TMEM260: variants seen among roughly 807,000 people sequenced by gnomAD.
TMEM260 encodes transmembrane protein 260.
In TMEM260, 82 loss-of-function variants were observed where a neutral mutation model predicts 88.9. The ratio of observed to expected loss-of-function variants is 0.92; its 90% CI spans 0.77 to 1.11. TMEM260 has a LOEUF of 1.11. TMEM260 is among the 50% of genes least tolerant of loss of function. TMEM260 has a pLI of 0.00. For missense variants in TMEM260, 902 were observed against 853.4 expected (o/e 1.06, Z -0.71); for synonymous variants, 314 against 309.3 (o/e 1.02, Z -0.16).
rs759813676 is a variant in TMEM260 at position 56,579,801 on chromosome 14, C to T, written c.-114C>T. On this transcript the variant is annotated 5_prime_UTR_variant, in exon 1 of 16. Transcript: ENST00000261556. The stretch of plus-strand genomic sequence containing the variant: ...GCGGTCCAACCCGCGGAGGCTCGAC[C>T]CGGAAGCCGCCGTGGCCGCCGCACA... 1.4e-4 allele frequency: 153 copies of T among 1,087,356 alleles called. No individual in the cohort carries two copies. The Middle Eastern group carries it at 1.7e-3, about 12-fold the overall frequency. The allele number at this position is 1,087,356 out of a possible 1,614,324, so 67.4% of individuals were successfully genotyped here. A position where few individuals can be genotyped will look rare whatever the true frequency, so the allele number is the denominator to read the frequency against.
intron 3 of TMEM260, among the ~76,000 whole-genome samples, chr14:56,594,639 C>T (rs538203414): frequency 6.6e-6 from 1 of 152,274 alleles, no homozygotes; most frequent in South Asian, 2.1e-4. Flanking sequence ...GTTTTATTTA[C>T]AGTTCATCTG....
rs770742166 is a variant in TMEM260 at position 56,609,231 on chromosome 14, A to G, written c.762A>G (p.Thr254=). 1.9e-6 allele frequency: 3 copies of G among 1,614,040 alleles called. No homozygotes were observed. The highest frequency in any genetic ancestry group is 1.6e-4 in the Middle Eastern group (1 of 6,084). ...GGTGGACCTGGGGAGACCAGACAACACTGCAAGGATTTTTGACACATTTTC... is the reference window on the plus strand; with the variant it reads ...GGTGGACCTGGGGAGACCAGACAACGCTGCAAGGATTTTTGACACATTTTC... ...HARWTWGDQT[T]LQGFLTHFLR... Residue 254 remains threonine (T), a synonymous_variant, in exon 6 of 16, where the codon ACA becomes ACG. Coordinates refer to ENST00000261556, the MANE Select transcript of TMEM260 (RefSeq NM_017799.4).
chr14:56,588,836 G>C (rs1437752404), intron 3 of TMEM260, among the ~76,000 whole-genome samples: 1 of 151,808 alleles, frequency 6.6e-6, no homozygotes, highest in Non-Finnish European at 1.5e-5. Flanking sequence ...GTGTTTCTAA[G>C]GCTGTAATAT....
At chr14:56,662,921 A>T in the TMEM260 span, among the ~76,000 whole-genome samples, 2 of 152,174 alleles carry the variant, frequency 1.3e-5, no homozygotes, top group African/African-American at 4.8e-5. Context: ...TGAGGTTGGG[A>T]GTTCGAGACC....
intron 15 of TMEM260, among the ~76,000 whole-genome samples, chr14:56,640,565 G>A (rs1431515438): frequency 1.3e-5 from 2 of 151,926 alleles, no homozygotes; most frequent in Non-Finnish European, 2.9e-5. Context: ...AGAAAAACCA[G>A]AAACTCTAAA....
rs1034540147 is a variant in TMEM260 at position 56,645,851 on chromosome 14, G to C, written c.1870-1392G>C. 7.2e-5 allele frequency among the ~76,000 whole-genome samples: 11 copies of C among 152,294 alleles called. 1 individual carries two copies. In the South Asian group the frequency reaches 2.3e-3, roughly 32 times the overall value. On this transcript the variant is annotated intron_variant, in intron 15 of 15. Coordinates refer to ENST00000261556, the MANE Select transcript of TMEM260 (RefSeq NM_017799.4). Reference sequence around the variant, plus strand: ...GAGAAAAAAGGATGATGACAAAAAGGGTAAAGCAACTTTGAATATTTTACC... The same window carrying C: ...GAGAAAAAAGGATGATGACAAAAAGCGTAAAGCAACTTTGAATATTTTACC...
intron 12 of TMEM260, among the ~76,000 whole-genome samples, chr14:56,629,637 C>T (rs960927080): frequency 2.6e-5 from 4 of 152,270 alleles, no homozygotes; most frequent in East Asian, 1.9e-4. Context: ...CGTGAATTCT[C>T]TTAGTTTTCC....
downstream of TMEM260, among the ~76,000 whole-genome samples, chr14:56,653,745 A>AAAAAAAAAAAACAAC (rs1555343563): frequency 1.1e-4 from 15 of 137,442 alleles, no homozygotes; most frequent in East Asian, 2.2e-4. Context: ...CCAAAACAAA[A>AAAAAAAAAAAACAAC]AAAAAAAAAA....
intron 13 of TMEM260, among the ~76,000 whole-genome samples, chr14:56,634,449 TAGG>T (rs1221066820): frequency 1.3e-5 from 2 of 152,246 alleles, no homozygotes; most frequent in East Asian, 3.8e-4. Flanking sequence ...TCAACTTTTT[TAGG>T]AGAACAAGTT....
chr14:56,652,358 C>T (rs1295031851), downstream of TMEM260, among the ~76,000 whole-genome samples: 1 of 151,908 alleles, frequency 6.6e-6, no homozygotes, highest in Non-Finnish European at 1.5e-5. Flanking sequence ...ATTAGCAGGG[C>T]AAGGTGGCAT....
intron 8 of TMEM260, 63 bp downstream of exon 8, chr14:56,616,090 A>C: frequency 8.1e-7 from 1 of 1,238,468 alleles, no homozygotes; most frequent in Non-Finnish European, 1.2e-6. Context: ...TAATGTTTTC[A>C]GTATGTCGCT....
At chr14:56,627,150 C>T (rs1888291777) in intron 12 of TMEM260, among the ~76,000 whole-genome samples, 1 of 151,148 alleles carries the variant, frequency 6.6e-6, no homozygotes, top group Admixed American at 6.6e-5. Flanking sequence ...AAACATTCTG[C>T]CCCATAAAGT....
intron 10 of TMEM260, among the ~76,000 whole-genome samples, chr14:56,619,114 G>T (rs1471661161): frequency 6.6e-6 from 1 of 152,084 alleles, no homozygotes; most frequent in Non-Finnish European, 1.5e-5. Flanking sequence ...AGAGTTTTTT[G>T]TATACCCTAA....
chr14:56,617,961 G>T (rs1252784563), intron 9 of TMEM260, among the ~76,000 whole-genome samples: 2 of 152,146 alleles, frequency 1.3e-5, no homozygotes. Flanking sequence ...TATATCTGTA[G>T]CCAAGGGGGC....
At chr14:56,610,241 A>T (rs978725367) in intron 6 of TMEM260, among the ~76,000 whole-genome samples, 13 of 148,664 alleles carry the variant, frequency 8.7e-5, no homozygotes, top group Non-Finnish European at 1.5e-4. Context: ...TTTTTTTTTT[A>T]TTTTGCTTTG....
intron 11 of TMEM260, among the ~76,000 whole-genome samples, chr14:56,624,312 G>A (rs915218901): frequency 7.2e-5 from 11 of 152,298 alleles, no homozygotes; most frequent in African/African-American, 2.6e-4. Flanking sequence ...GGTGGCTCAC[G>A]TCTGTAATCC....
At chr14:56,616,169 G>T (rs199731620) in intron 8 of TMEM260, 142 bp downstream of exon 8, 1 of 595,706 alleles carries the variant, frequency 1.7e-6, no homozygotes, top group Non-Finnish European at 3.0e-6. Flanking sequence ...TAAGATAAAC[G>T]TGTATTGCTT....
At chr14:56,625,100 G>T (rs947109743) in intron 11 of TMEM260, among the ~76,000 whole-genome samples, 2 of 152,166 alleles carry the variant, frequency 1.3e-5, no homozygotes, top group Admixed American at 1.3e-4. Flanking sequence ...GGGGACCCCT[G>T]CTCTAGGTAT....
chr14:56,647,627 G>T lies in TMEM260; in HGVS notation c.*130G>T. ...GTCATCTCCCAGATATAAGTATCAT[G>T]GTCCAGCAGTACTGTTTAATGGGGT... On this transcript the variant is annotated 3_prime_UTR_variant, in exon 16 of 16. Coordinates refer to ENST00000261556, the MANE Select transcript of TMEM260 (RefSeq NM_017799.4). 9.5e-7 allele frequency: 1 copy of T among 1,050,982 alleles called. No individual in the cohort carries two copies. The highest frequency in any genetic ancestry group is 1.3e-6 in the Non-Finnish European group (1 of 749,940). The allele number at this position is 1,050,982 out of a possible 1,614,324, so 65.1% of individuals were successfully genotyped here. A position where few individuals can be genotyped will look rare whatever the true frequency, so the allele number is the denominator to read the frequency against.
Sources: gnomAD v4.1 joint callset for allele counts (sites outside exome capture counted in the v4.1 genomes callset) on GRCh38, gnomAD v4.1.1 for gene constraint, MANE v1.5 for transcripts, NCBI Gene and HGNC (gene_info 2026-07-23, HGNC 2026-07-21) for gene names.